GDAP1: variants seen among roughly 807,000 people sequenced by gnomAD.
GDAP1 encodes the protein ganglioside-induced differentiation-associated protein 1.
GDAP1 carries 34 observed loss-of-function variants against 40.1 expected under a neutral mutation model. That is an observed-to-expected ratio of 0.85 (90% CI 0.64 to 1.13). The LOEUF (loss-of-function observed/expected upper bound fraction) is 1.13, where lower values mean the gene tolerates loss of function less well. Among genes scored for constraint, GDAP1 ranks in the 50% most tolerant of loss-of-function variants. GDAP1 has a pLI of 0.00. For synonymous variants in GDAP1, 170 were observed against 157.4 expected (o/e 1.08, Z -0.60); for missense variants, 374 against 433.7 (o/e 0.86, Z 1.22).
chr8:74,405,295 C>T lies in GDAP1; in HGVS notation c.165+53974C>T, dbSNP rs547887575. On this transcript the variant is annotated intron_variant, in intron 2 of 2. Transcript: ENST00000523640. ...TTTCCACCTGGCCTGGCCCTTGACA[C>T]GTGAGGATTGTTACAATTCAAGGTG... is the stretch of plus-strand genomic sequence containing the variant. Among the ~76,000 whole-genome samples the T allele has an allele frequency of 1.2e-4, 18 of 150,222 alleles. 1 individual carries two copies. In the East Asian group the frequency reaches 1.3e-3, roughly 11 times the overall value.
At chr8:74,443,132 G>T (rs1467028217) in intron 2 of GDAP1, among the ~76,000 whole-genome samples, 2 of 152,202 alleles carry the variant, frequency 1.3e-5, no homozygotes, top group African/African-American at 4.8e-5. Context: ...AAGAAACATG[G>T]TAGTGTGGTA....
chr8:74,452,219 G>C (rs1231340807), intron 2 of GDAP1, among the ~76,000 whole-genome samples: 1 of 82,792 alleles, frequency 1.2e-5, no homozygotes, highest in Non-Finnish European at 2.4e-5. Flanking sequence ...CAAAGTGCTG[G>C]GATTACAGGC....
At chr8:74,446,114 G>A (rs953138960) in intron 2 of GDAP1, among the ~76,000 whole-genome samples, 13 of 152,070 alleles carry the variant, frequency 8.5e-5, no homozygotes, top group Non-Finnish European at 4.4e-5. Context: ...TTTCTACTTC[G>A]GGGAGCTGGG....
intron 2 of GDAP1, among the ~76,000 whole-genome samples, chr8:74,378,074 T>A (rs1809887152): frequency 6.6e-6 from 1 of 152,212 alleles, no homozygotes; most frequent in Non-Finnish European, 1.5e-5. Context: ...GCCCTGAACT[T>A]GTCCTATGTC....
Position 74,365,484 on chromosome 8 carries a change from G to A in GDAP1, c.*1117G>A. 1.1e-5 allele frequency: 5 copies of A among 454,034 alleles called. No homozygotes were observed. The highest frequency in any genetic ancestry group is 2.2e-5 in the Non-Finnish European group (5 of 226,782). 28.1% of individuals were successfully genotyped at this position (454,034 alleles called of 1,614,324 possible). On this transcript the variant is annotated 3_prime_UTR_variant, in exon 6 of 6. Coordinates refer to ENST00000220822, the MANE Select transcript of GDAP1 (RefSeq NM_018972.4). The stretch of plus-strand genomic sequence containing the variant: ...GAATAACCTTGGAACTGCAACAAAT[G>A]GTTTGTGCTCAGAAAAAGTCTTTCA...
In GDAP1 at chr8:74,405,798, G is replaced by A. The variant is rs554348706; in HGVS notation, c.165+54477G>A. 9.3e-5 allele frequency among the ~76,000 whole-genome samples: 14 copies of A among 150,058 alleles called. No homozygotes were observed. The South Asian group carries it at 2.5e-3, about 27-fold the overall frequency. On this transcript the variant is annotated intron_variant, in intron 2 of 2. Transcript: ENST00000523640. The stretch of plus-strand genomic sequence containing the variant: ...GGGAGATATTGAGGAACTAAAACAT[G>A]AGTGAACATTTACAGGGCAAAAATC...
intron 2 of GDAP1, among the ~76,000 whole-genome samples, chr8:74,374,789 C>G (rs186729458): frequency 6.6e-6 from 1 of 151,106 alleles, no homozygotes; most frequent in Admixed American, 6.6e-5. Context: ...CAAAAGTGAC[C>G]CAATAAGAAA....
chr8:74,448,794 T>C lies in GDAP1; in HGVS notation c.166-39884T>C, dbSNP rs567440340. Among the ~76,000 whole-genome samples, 5 of 152,208 alleles carry C rather than the reference T, an allele frequency of 3.3e-5. No individual in the cohort carries two copies. In the South Asian group the frequency reaches 1.0e-3, roughly 32 times the overall value. On this transcript the variant is annotated intron_variant, in intron 2 of 2. Coordinates refer to the GDAP1 transcript ENST00000523640. The stretch of plus-strand genomic sequence containing the variant: ...AATTACGTAGTCTGTTAGTTGATTG[T>C]AGGAGTTTTTTGGTCAGATATATGC...
At chr8:74,386,379 T>C (rs899650286) in intron 2 of GDAP1, among the ~76,000 whole-genome samples, 5 of 152,154 alleles carry the variant, frequency 3.3e-5, no homozygotes, top group African/African-American at 9.7e-5. Flanking sequence ...GGTGTAAGGA[T>C]GGGGTCCAGT....
intron 2 of GDAP1, among the ~76,000 whole-genome samples, chr8:74,434,934 T>C (rs556878040): frequency 1.3e-5 from 2 of 152,342 alleles, no homozygotes; most frequent in Middle Eastern, 3.4e-3. Flanking sequence ...TGGTTGTTTT[T>C]TCTTTGGCAG....
intron 2 of GDAP1, among the ~76,000 whole-genome samples, chr8:74,402,633 C>T (rs1030924821): frequency 1.3e-5 from 2 of 150,330 alleles, no homozygotes; most frequent in Non-Finnish European, 2.9e-5. Flanking sequence ...CAGAAATCAC[C>T]CGTCTTCTGT....
intron 2 of GDAP1, among the ~76,000 whole-genome samples, chr8:74,463,599 C>T (rs1806430895): frequency 1.3e-5 from 2 of 152,118 alleles, no homozygotes; most frequent in African/African-American, 4.8e-5. Context: ...GGTTGTTCCT[C>T]TGCTTTATTA....
At chr8:74,432,137 G>C (rs186038853) in intron 2 of GDAP1, among the ~76,000 whole-genome samples, 3 of 152,250 alleles carry the variant, frequency 2.0e-5, no homozygotes, top group Admixed American at 2.0e-4. Flanking sequence ...ACGAGAATAA[G>C]TTGGAACTAT....
intron 2 of GDAP1, among the ~76,000 whole-genome samples, chr8:74,468,654 A>G (rs1806505361): frequency 6.6e-6 from 1 of 151,984 alleles, no homozygotes; most frequent in Non-Finnish European, 1.5e-5. Flanking sequence ...ATAACTTTTT[A>G]CCCTGCTAAT....
rs543598612 is a variant in GDAP1 at position 74,451,923 on chromosome 8, CTTAATTTAAT to C, written c.166-36722_166-36713del. On this transcript the variant is annotated intron_variant, in intron 2 of 2. Coordinates refer to the GDAP1 transcript ENST00000523640. The stretch of plus-strand genomic sequence containing the variant: ...GCCTTGGTATGCTGCTCTTTATTTT[CTTAATTTAAT>C]TTAATTTAATTTAATTTAATTTAAT... 7.3e-5 allele frequency among the ~76,000 whole-genome samples: 4 copies of C among 54,632 alleles called. 1 individual carries two copies. Among genetic ancestry groups the C allele is most frequent in the South Asian group, 2.1e-3 (2 of 968 alleles). 35.8% of individuals were successfully genotyped at this position (54,632 alleles called of 152,430 possible). A position where few individuals can be genotyped will look rare whatever the true frequency, so the allele number is the denominator to read the frequency against.
At chr8:74,362,784 CTTTT>C (rs1284434868) in intron 4 of GDAP1, among the ~76,000 whole-genome samples, 151 bp from the exon 5 acceptor site, 73 of 60,448 alleles carry the variant, frequency 1.2e-3, no homozygotes, top group Non-Finnish European at 1.9e-3. Context: ...CTCTCTCTCT[CTTTT>C]TTTTTTTTTT....
Position 74,405,773 on chromosome 8 carries a change from G to A in GDAP1, c.165+54452G>A, listed in dbSNP as rs557103235. Reference sequence around the variant, plus strand: ...ACAGTAACTCCTGACATTGAGCAAGGGGAGATATTGAGGAACTAAAACATG... The same window carrying A: ...ACAGTAACTCCTGACATTGAGCAAGAGGAGATATTGAGGAACTAAAACATG... On this transcript the variant is annotated intron_variant, in intron 2 of 2. Coordinates refer to the GDAP1 transcript ENST00000523640. Among the ~76,000 whole-genome samples the A allele has an allele frequency of 1.7e-3, 256 of 150,042 alleles. 1 individual carries two copies. The highest frequency in any genetic ancestry group is 2.4e-3 in the Non-Finnish European group (165 of 68,024).
chr8:74,472,300 G>A (rs1806567626), intron 2 of GDAP1, among the ~76,000 whole-genome samples: 1 of 152,184 alleles, frequency 6.6e-6, no homozygotes, highest in African/African-American at 2.4e-5. Context: ...GTATTCCATA[G>A]TGTACATGTA....
At chr8:74,398,531 A>G (rs373267434) in intron 2 of GDAP1, among the ~76,000 whole-genome samples, 2 of 152,212 alleles carry the variant, frequency 1.3e-5, no homozygotes, top group Admixed American at 1.3e-4. Flanking sequence ...CTAATTGAAT[A>G]CCCTTTATTT....
Sources: allele counts gnomAD v4.1 joint callset (sites outside exome capture counted in the v4.1 genomes callset), GRCh38; gene constraint gnomAD v4.1.1; transcripts MANE v1.5; gene names NCBI Gene and HGNC (gene_info 2026-07-23, HGNC 2026-07-21).